The following PAX2 variants were observed in gnomAD, a reference collection of about 807,000 sequenced individuals.
PAX2 encodes paired box protein Pax-2.
Under a neutral mutation model 41.7 loss-of-function variants are expected in PAX2, and 9 were observed. The observed-to-expected ratio is 0.22, with a 90% CI of 0.13 to 0.38. The LOEUF (loss-of-function observed/expected upper bound fraction) is 0.38, where lower values mean the gene tolerates loss of function less well. Among genes scored for constraint, PAX2 ranks in the 10% least tolerant of loss-of-function variants. The pLI is 1.00. For missense variants in PAX2, 418 were observed against 531.6 expected (o/e 0.79, Z 2.10); for synonymous variants, 221 against 212.7 (o/e 1.04, Z -0.34).
In PAX2 at chr10:100,749,780, G is replaced by A; in HGVS notation, c.78G>A (p.Val26=). Residue 26 remains valine (V), a synonymous_variant, in exon 2 of 10, where the codon GTG becomes GTA. Transcript: ENST00000355243. ...GGGGTGTGAACCAGCTCGGGGGGGTGTTTGTGAACGGCCGGCCCCTACCCG... is the reference window on the plus strand; with the variant it reads ...GGGGTGTGAACCAGCTCGGGGGGGTATTTGTGAACGGCCGGCCCCTACCCG... ...GHGGVNQLGG[V]FVNGRPLPDV... The A allele has an allele frequency of 6.2e-7, 1 of 1,612,144 alleles. No individual in the cohort carries two copies. Among genetic ancestry groups the A allele is most frequent in the Non-Finnish European group, 8.5e-7 (1 of 1,178,926 alleles).
chr10:100,755,800 G>C (rs1166592668), intron 3 of PAX2, among the ~76,000 whole-genome samples: 1 of 152,148 alleles, frequency 6.6e-6, no homozygotes, highest in Non-Finnish European at 1.5e-5. Context: ...TTCAATAGAG[G>C]GGCCACAGGG....
rs979188250 is a variant in PAX2 at position 100,781,381 on chromosome 10, G to A, written c.616+16G>A. ...CGTGATGAAGGTAGGGAGGAGGGAA[G>A]AGGTGTGGCTTCCCCTTCACATGCT... is the stretch of plus-strand genomic sequence containing the variant. On this transcript the variant is annotated intron_variant, in intron 5 of 9. Transcript: ENST00000355243. 2 of 1,613,902 alleles carry A rather than the reference G, an allele frequency of 1.2e-6. No homozygotes were observed. Among genetic ancestry groups the A allele is most frequent in the Admixed American group, 3.3e-5 (2 of 60,012 alleles).
Position 100,750,629 on chromosome 10 carries a change from A to G in PAX2, c.213-65A>G. On this transcript the variant is annotated intron_variant, in intron 2 of 9. Coordinates refer to ENST00000355243, the MANE Select transcript of PAX2 (RefSeq NM_000278.5). This position sits in a 1 kb window ranked among gnomAD's most constrained non-coding sequence, Gnocchi z 4.1. ...AGGAGAGTGGCTCAGCAGCTCTGGA[A>G]CCTGCAGCCCCCCTGCCCCGCCACA... The G allele has an allele frequency of 1.4e-6, 2 of 1,417,344 alleles. No individual in the cohort carries two copies. The highest frequency in any genetic ancestry group is 2.0e-6 in the Non-Finnish European group (2 of 1,009,086). The allele number at this position is 1,417,344 out of a possible 1,614,324, so 87.8% of individuals were successfully genotyped here.
In PAX2 at chr10:100,791,478, C is replaced by T. The variant is rs1301562108; in HGVS notation, c.616+10113C>T. 6.6e-6 allele frequency among the ~76,000 whole-genome samples: 1 copy of T among 152,162 alleles called. No homozygotes were observed. The highest frequency in any genetic ancestry group is 2.4e-5 in the African/African-American group (1 of 41,438). ...GAAGAGAAGCCAGAGGAAAGCAGCT[C>T]CAGGAACCTGCATTAAAGTAAATGC... On this transcript the variant is annotated intron_variant, in intron 5 of 9. Transcript: ENST00000355243. The surrounding 1 kb of genome is among the most constrained non-coding windows in gnomAD (Gnocchi z 4.5).
At chr10:100,825,042 C>G in intron 8 of PAX2, 1 of 1,358,154 alleles carries the variant, frequency 7.4e-7, no homozygotes, top group Non-Finnish European at 1.1e-6. Context: ...GAGGAGCACT[C>G]AGCCTCAGCT....
rs2133988504 is a variant in PAX2, at chr10:100,826,613, C to T, written c.1022-396C>T. Among the ~76,000 whole-genome samples the T allele has an allele frequency of 6.6e-6, 1 of 152,362 alleles. No individual in the cohort carries two copies. The highest frequency in any genetic ancestry group is 2.1e-4 in the South Asian group (1 of 4,828). On this transcript the variant is annotated intron_variant, in intron 8 of 9. Coordinates refer to ENST00000355243, the MANE Select transcript of PAX2 (RefSeq NM_000278.5). This position sits in a 1 kb window ranked among gnomAD's most constrained non-coding sequence, Gnocchi z 5.5. ...CCTTTCTTCGCCACCGCCCCCCACT[C>T]CCATTTCCACCCATTAGGGGCCATG... is the stretch of plus-strand genomic sequence containing the variant.
At position 100,745,907 on chromosome 10, in the gene PAX2, C is replaced by G. The variant is rs910761082; in HGVS notation, c.-354C>G. ...ATGACCAGGTTCCAGGGGAGCTGAG[C>G]GAGTCGCCTCCCCCGCCCAGCTTCA... On this transcript the variant is annotated 5_prime_UTR_variant, in exon 1 of 10. Coordinates refer to ENST00000355243, the MANE Select transcript of PAX2 (RefSeq NM_000278.5). The G allele has an allele frequency of 2.9e-5, 35 of 1,195,280 alleles. No homozygotes were observed. Among genetic ancestry groups the G allele is most frequent in the Non-Finnish European group, 3.4e-5 (33 of 962,482 alleles). 74.0% of individuals were successfully genotyped at this position (1,195,280 alleles called of 1,614,324 possible).
Position 100,750,907 on chromosome 10 carries a change from G to A in PAX2, c.410+16G>A, listed in dbSNP as rs372153559. ...CCATCAACAGGTGAGCAAGCCACCC[G>A]GGTTTTCAGGGCTGGACTCCAGCTC... On this transcript the variant is annotated intron_variant, in intron 3 of 9. Transcript: ENST00000355243. The surrounding 1 kb of genome is among the most constrained non-coding windows in gnomAD (Gnocchi z 4.1). 4.7e-5 allele frequency: 76 copies of A among 1,604,896 alleles called. 1 individual carries two copies. In the South Asian group the frequency reaches 5.1e-4, roughly 11 times the overall value.
chr10:100,808,559 C>G (rs1160496024), intron 6 of PAX2, among the ~76,000 whole-genome samples: 1 of 152,120 alleles, frequency 6.6e-6, no homozygotes. Context: ...CCCCTCCTAC[C>G]CTTCTGTTAG....
At chr10:100,739,449 G>C (rs1216222607) in intron 1 of PAX2, among the ~76,000 whole-genome samples, 1 of 152,174 alleles carries the variant, frequency 6.6e-6, no homozygotes, top group African/African-American at 2.4e-5. Flanking sequence ...AGGCGGGCGC[G>C]CCGCGGATGG....
At chr10:100,816,602 C>G (rs541954743) in intron 7 of PAX2, among the ~76,000 whole-genome samples, 2 of 152,298 alleles carry the variant, frequency 1.3e-5, no homozygotes, top group South Asian at 4.1e-4. Flanking sequence ...CCCAGAGGGC[C>G]GGCCACCTCC....
intron 3 of PAX2, among the ~76,000 whole-genome samples, chr10:100,752,552 A>G (rs1271236623): frequency 6.6e-6 from 1 of 152,224 alleles, no homozygotes; most frequent in Non-Finnish European, 1.5e-5. Flanking sequence ...AAGAACAGCC[A>G]AGGGCCAAGA....
At chr10:100,787,226 C>T (rs758834765) in intron 5 of PAX2, among the ~76,000 whole-genome samples, 11 of 152,074 alleles carry the variant, frequency 7.2e-5, no homozygotes, top group African/African-American at 1.4e-4. Context: ...GCTGAGGCCC[C>T]GGTGGCCTGG....
rs891987754 is a variant in PAX2 at position 100,828,630 on chromosome 10, T to TC, written c.*1016dup. The stretch of plus-strand genomic sequence containing the variant: ...CCTCCAGCAGTTACTTGATGCCCCC[T>TC]CCCCCGACACAGACTCTCAATCTGC... On this transcript the variant is annotated 3_prime_UTR_variant, in exon 10 of 10. Coordinates refer to ENST00000355243, the MANE Select transcript of PAX2 (RefSeq NM_000278.5). This position sits in a 1 kb window ranked among gnomAD's most constrained non-coding sequence, Gnocchi z 6.5. The TC allele has an allele frequency of 5.2e-5, 12 of 232,756 alleles. No individual in the cohort carries two copies. The highest frequency in any genetic ancestry group is 3.9e-4 in the Admixed American group (7 of 17,740). The allele number at this position is 232,756 out of a possible 1,614,324, so 14.4% of individuals were successfully genotyped here.
chr10:100,778,862 T>G (rs1280146667), intron 3 of PAX2, among the ~76,000 whole-genome samples: 1 of 152,104 alleles, frequency 6.6e-6, no homozygotes, highest in East Asian at 1.9e-4. Context: ...TCTGACTTGT[T>G]TGAGGGCAGT....
At chr10:100,780,970 A>G (rs1846597391) in intron 4 of PAX2, among the ~76,000 whole-genome samples, 1 of 151,620 alleles carries the variant, frequency 6.6e-6, no homozygotes, top group Admixed American at 6.6e-5. Flanking sequence ...GAGTTTGAGA[A>G]CCCCAGTGAA....
At chr10:100,746,346 C>G (rs4405241) in intron 1 of PAX2, 43 bp downstream of exon 1, 19 of 1,380,036 alleles carry the variant, frequency 1.4e-5, no homozygotes, top group Non-Finnish European at 2.0e-5. Flanking sequence ...CGGGGCTCTC[C>G]GTCCCAACCC....
chr10:100,808,803 G>T (rs1479417456), intron 6 of PAX2, among the ~76,000 whole-genome samples: 2 of 152,092 alleles, frequency 1.3e-5, no homozygotes, highest in African/African-American at 2.4e-5. Flanking sequence ...CTCAACAAGG[G>T]TATCCCCACT....
chr10:100,764,825 A>T (rs1266101975), intron 3 of PAX2, among the ~76,000 whole-genome samples: 1 of 152,126 alleles, frequency 6.6e-6, no homozygotes, highest in Non-Finnish European at 1.5e-5. Context: ...TAGTTTTTTT[A>T]AAAGATAAAA....
Sources: gnomAD v4.1 joint callset for allele counts (sites outside exome capture counted in the v4.1 genomes callset) on GRCh38, gnomAD v4.1.1 for gene constraint, Gnocchi (gnomAD v3.1) non-coding constraint, MANE v1.5 for transcripts, NCBI Gene and HGNC (gene_info 2026-07-23, HGNC 2026-07-21) for gene names.